Variants in EPHA7 observed in about 807,000 individuals in gnomAD.
EPHA7 encodes the protein ephrin type-A receptor 7.
Under a neutral mutation model 112.6 loss-of-function variants are expected in EPHA7, and 25 were observed. That is an observed-to-expected ratio of 0.22 (90% CI 0.16 to 0.31). EPHA7 has a LOEUF of 0.31. EPHA7 is among the 10% of genes least tolerant of loss of function. EPHA7 has a pLI of 1.00. For missense variants in EPHA7, 962 were observed against 1,212.6 expected (o/e 0.79, Z 3.07); for synonymous variants, 437 against 406.5 (o/e 1.07, Z -0.90).
At chr6:93,261,136 A>G (rs1462788604) in intron 9 of EPHA7, among the ~76,000 whole-genome samples, 6 of 151,596 alleles carry the variant, frequency 4.0e-5, no homozygotes, top group Non-Finnish European at 8.9e-5. Context: ...GGATTTGAAG[A>G]CATTGTTAGA....
intron 2 of EPHA7, among the ~76,000 whole-genome samples, chr6:93,413,694 CTT>C (rs1779087828): frequency 6.6e-6 from 1 of 151,802 alleles, no homozygotes; most frequent in African/African-American, 2.4e-5. Context: ...TGAAAGGAAT[CTT>C]AAAAATTAAA....
At chr6:93,364,782 G>A (rs532531060) in intron 3 of EPHA7, among the ~76,000 whole-genome samples, 1 of 152,078 alleles carries the variant, frequency 6.6e-6, no homozygotes, top group African/African-American at 2.4e-5. Flanking sequence ...TTACTTTTAA[G>A]ACTATTAGAA....
At chr6:93,333,693 G>A (rs1207061579) in intron 5 of EPHA7, among the ~76,000 whole-genome samples, 2 of 151,780 alleles carry the variant, frequency 1.3e-5, no homozygotes, top group Non-Finnish European at 2.9e-5. Context: ...ATCTCTTCAT[G>A]TCCTTTGCCC....
intron 1 of EPHA7, among the ~76,000 whole-genome samples, chr6:93,417,782 T>C (rs1779314593): frequency 6.6e-6 from 1 of 152,044 alleles, no homozygotes; most frequent in Non-Finnish European, 1.5e-5. Flanking sequence ...TCCGTCCTTC[T>C]GCAAACGCGT....
intron 5 of EPHA7, among the ~76,000 whole-genome samples, chr6:93,310,537 C>T (rs184758931): frequency 3.3e-5 from 5 of 151,906 alleles, no homozygotes; most frequent in Middle Eastern, 3.4e-3. Context: ...TGGTGGCGGG[C>T]GCCTGTAATC....
intron 3 of EPHA7, among the ~76,000 whole-genome samples, chr6:93,377,318 T>C (rs1235193851): frequency 6.6e-6 from 1 of 152,152 alleles, no homozygotes; most frequent in Non-Finnish European, 1.5e-5. Context: ...TCAGTTTTAC[T>C]TCTAGGCTCC....
At chr6:93,300,512 A>G (rs1268786273) in intron 5 of EPHA7, among the ~76,000 whole-genome samples, 1 of 152,126 alleles carries the variant, frequency 6.6e-6, no homozygotes, top group Non-Finnish European at 1.5e-5. Flanking sequence ...GAATTTCTGG[A>G]CATGTATAAT....
intron 9 of EPHA7, among the ~76,000 whole-genome samples, chr6:93,262,811 C>T (rs960770755): frequency 6.6e-6 from 1 of 151,088 alleles, no homozygotes; most frequent in Non-Finnish European, 1.5e-5. Context: ...TTAAACCACA[C>T]ATTGTCATTT....
chr6:93,350,459 A>T (rs953409553), intron 5 of EPHA7, among the ~76,000 whole-genome samples: 6 of 152,088 alleles, frequency 3.9e-5, no homozygotes, highest in Admixed American at 3.3e-4. Context: ...AGTCATTCGA[A>T]CCCTCAAAAT....
At chr6:93,352,495 T>C (rs1413069998) in intron 5 of EPHA7, among the ~76,000 whole-genome samples, 1 of 152,140 alleles carries the variant, frequency 6.6e-6, no homozygotes, top group Non-Finnish European at 1.5e-5. Flanking sequence ...ACATCTTTTA[T>C]GGAAGGGCTT....
intron 5 of EPHA7, among the ~76,000 whole-genome samples, chr6:93,280,167 T>C (rs554828220): frequency 6.6e-6 from 1 of 152,236 alleles, no homozygotes; most frequent in East Asian, 1.9e-4. Context: ...CAAAACTAAA[T>C]ATCCTAACAT....
chr6:93,362,202 CT>C (rs959556070), intron 3 of EPHA7, among the ~76,000 whole-genome samples: 11 of 151,854 alleles, frequency 7.2e-5, no homozygotes, highest in African/African-American at 2.7e-4. Flanking sequence ...TTAGTCTGTT[CT>C]TTAAATGCAA....
At chr6:93,303,086 A>C (rs370635386) in intron 5 of EPHA7, among the ~76,000 whole-genome samples, 92 of 152,164 alleles carry the variant, frequency 6.0e-4, no homozygotes, top group African/African-American at 2.1e-3. Context: ...CAGTTGCCTC[A>C]CACTGAGCAC....
chr6:93,401,519 G>T (rs1001585014), intron 3 of EPHA7, among the ~76,000 whole-genome samples: 1 of 151,740 alleles, frequency 6.6e-6, no homozygotes, highest in Non-Finnish European at 1.5e-5. Context: ...TGTGTAACAC[G>T]GGTAGAAAAC....
intron 3 of EPHA7, among the ~76,000 whole-genome samples, chr6:93,389,101 T>C (rs1777775186): frequency 6.6e-6 from 1 of 151,956 alleles, no homozygotes; most frequent in Non-Finnish European, 1.5e-5. Context: ...GGAGAGAGAA[T>C]CAATAAGATT....
At chr6:93,405,813 G>GTATATATATATATATATATA (rs60882775) in intron 3 of EPHA7, among the ~76,000 whole-genome samples, 1 of 73,984 alleles carries the variant, frequency 1.4e-5, no homozygotes, top group Admixed American at 1.7e-4. Flanking sequence ...GTGTGTGTGT[G>GTATATATATATATATATATA]TATATATATA....
intron 1 of EPHA7, among the ~76,000 whole-genome samples, chr6:93,417,586 G>T (rs555722858): frequency 6.6e-6 from 1 of 152,294 alleles, no homozygotes; most frequent in African/African-American, 2.4e-5. Context: ...GTTATTTATA[G>T]CCCAAACTCC....
intron 12 of EPHA7, 126 bp from the exon 13 acceptor site, chr6:93,256,163 A>G (rs1226567967): frequency 4.0e-6 from 3 of 745,166 alleles, no homozygotes; most frequent in Non-Finnish European, 6.4e-6. Flanking sequence ...TTTTTTATAT[A>G]ATATGGATAC....
At chr6:93,260,005 C>T (rs1770615378) in intron 9 of EPHA7, among the ~76,000 whole-genome samples, 2 of 151,832 alleles carry the variant, frequency 1.3e-5, no homozygotes, top group East Asian at 3.9e-4. Flanking sequence ...TTGATATATA[C>T]ATAAAATTAA....
Sources: gnomAD v4.1 joint callset for allele counts (sites outside exome capture counted in the v4.1 genomes callset) on GRCh38, gnomAD v4.1.1 for gene constraint, MANE v1.5 for transcripts, NCBI Gene and HGNC (gene_info 2026-07-23, HGNC 2026-07-21) for gene names.